Variants in XKR6 observed in about 807,000 individuals in gnomAD.
XKR6 encodes the protein XK-related protein 6.
Under a neutral mutation model 56.7 loss-of-function variants are expected in XKR6, and 22 were observed. The ratio of observed to expected loss-of-function variants is 0.39; its 90% CI spans 0.28 to 0.55. The LOEUF is 0.55. XKR6 is among the 20% of genes least tolerant of loss of function. The pLI is 0.66. For missense variants in XKR6, 852 were observed against 889.0 expected (o/e 0.96, Z 0.53); for synonymous variants, 524 against 387.8 (o/e 1.35, Z -4.13).
chr8:11,158,867 C>A (rs1563182606), intron 1 of XKR6, among the ~76,000 whole-genome samples: 1 of 152,112 alleles, frequency 6.6e-6, no homozygotes, highest in Non-Finnish European at 1.5e-5. Context: ...ATTACCAGAA[C>A]ACTAATCCCA....
intron 1 of XKR6, among the ~76,000 whole-genome samples, chr8:11,196,836 C>T (rs1381700832): frequency 6.6e-6 from 1 of 152,198 alleles, no homozygotes; most frequent in Non-Finnish European, 1.5e-5. Flanking sequence ...CTAAGAACCA[C>T]TCTTGTAAAA....
chr8:10,989,186 G>A (rs1231729910), intron 1 of XKR6, among the ~76,000 whole-genome samples: 1 of 152,222 alleles, frequency 6.6e-6, no homozygotes, highest in Admixed American at 6.5e-5. Flanking sequence ...ATTCAGGTAA[G>A]TCTAGTCAGA....
chr8:11,146,429 C>T (rs1275791452), intron 1 of XKR6, among the ~76,000 whole-genome samples: 9 of 152,128 alleles, frequency 5.9e-5, no homozygotes, highest in Non-Finnish European at 1.5e-5. Context: ...AGTTCAATAC[C>T]AGCTTGGGCA....
At chr8:10,974,969 A>T (rs145190434) in intron 1 of XKR6, among the ~76,000 whole-genome samples, 2,071 of 152,292 alleles carry the variant, frequency 0.014, 30 homozygotes, top group South Asian at 0.035. Flanking sequence ...GATAAATCTC[A>T]TGTGATGTAT....
chr8:10,905,199 G>T (rs1399722743), intron 2 of XKR6, among the ~76,000 whole-genome samples: 2 of 152,086 alleles, frequency 1.3e-5, no homozygotes, highest in African/African-American at 4.8e-5. Context: ...CTTCCCGAAG[G>T]CAGGCCACTT....
chr8:11,164,483 G>A (rs1272050604), intron 1 of XKR6, among the ~76,000 whole-genome samples: 1 of 152,100 alleles, frequency 6.6e-6, no homozygotes, highest in Non-Finnish European at 1.5e-5. Context: ...AGATCCGAAA[G>A]GGAAAAAAGC....
intron 1 of XKR6, among the ~76,000 whole-genome samples, chr8:11,017,027 CATACATATGGATAG>C (rs1389018504): frequency 6.6e-6 from 1 of 152,168 alleles, no homozygotes; most frequent in South Asian, 2.1e-4. Flanking sequence ...TAGAGATTTG[CATACATATGGATAG>C]ATACATATGG....
intron 1 of XKR6, among the ~76,000 whole-genome samples, chr8:11,099,572 C>A (rs915688207): frequency 1.3e-5 from 2 of 151,974 alleles, no homozygotes. Flanking sequence ...ACTTTCTTTA[C>A]TTCTAAATCC....
Position 10,898,594 on chromosome 8 carries a change from G to C in XKR6, c.1284C>G (p.Phe428Leu), listed in dbSNP as rs1345873876. 1 of 1,613,992 alleles carries C rather than the reference G, an allele frequency of 6.2e-7. No individual in the cohort carries two copies. The highest frequency in any genetic ancestry group is 8.5e-7 in the Non-Finnish European group (1 of 1,180,028). Reference sequence around the variant, plus strand: ...GCCCTTCCTTGACGTTAAACCAGCAGAAAATGTACACGATCCCTACCACCA... The same window carrying C: ...GCCCTTCCTTGACGTTAAACCAGCACAAAATGTACACGATCCCTACCACCA... The part of the protein sequence containing the change: ...FNMVVGIVYI[F>L]CWFNVKEGRT... The change falls in exon 3 of 3, where the codon TTC becomes TTG. Residue 428 changes from phenylalanine to leucine, a missense_variant. Physicochemically the swap from Phe to Leu is conservative, Grantham distance 22 (BLOSUM62 0). Transcript: ENST00000416569. The surrounding 1 kb of genome is among the most constrained non-coding windows in gnomAD (Gnocchi z 6.6).
At position 11,172,026 on chromosome 8, in the gene XKR6, T is replaced by C. The variant is rs112893943; in HGVS notation, c.764+28550A>G. On this transcript the variant is annotated intron_variant, in intron 1 of 2. Coordinates refer to ENST00000416569, the MANE Select transcript of XKR6 (RefSeq NM_173683.4). Reference sequence around the variant, plus strand: ...CAACATCACGCCATTGCACTCCAGATTGGGTGACAGAGCAAGATCCCCTGT... The same window carrying C: ...CAACATCACGCCATTGCACTCCAGACTGGGTGACAGAGCAAGATCCCCTGT... Among the ~76,000 whole-genome samples, 1,491 of 150,514 alleles carry C rather than the reference T, an allele frequency of 9.9e-3. 25 individuals are homozygous for C. Among genetic ancestry groups the C allele is most frequent in the African/African-American group, 0.034 (1,395 of 40,902 alleles).
chr8:11,079,043 C>G (rs1000537504), intron 1 of XKR6, among the ~76,000 whole-genome samples: 1 of 152,228 alleles, frequency 6.6e-6, no homozygotes, highest in Non-Finnish European at 1.5e-5. Context: ...GCCATAAGAA[C>G]CCCAACCCTT....
At chr8:10,944,024 C>T (rs560440855) in intron 1 of XKR6, among the ~76,000 whole-genome samples, 12 of 152,238 alleles carry the variant, frequency 7.9e-5, no homozygotes, top group African/African-American at 2.2e-4. Context: ...TCCTTACCCC[C>T]GACCCTGCAC....
chr8:10,902,306 C>T (rs1800057538), intron 2 of XKR6, among the ~76,000 whole-genome samples: 1 of 152,200 alleles, frequency 6.6e-6, no homozygotes, highest in African/African-American at 2.4e-5. Flanking sequence ...CTGTTCCTGA[C>T]TTGGTCAACT....
rs1231358885 is a variant in XKR6 at position 10,897,216 on chromosome 8, A to G, written c.*736T>C. The stretch of plus-strand genomic sequence containing the variant: ...CCTTGAGCTCCTAGAAGGCTCTGCA[A>G]AGTGGGGAGAAGGTCAGGAGAGGAG... On this transcript the variant is annotated 3_prime_UTR_variant, in exon 3 of 3. Transcript: ENST00000416569. 2 of 152,646 alleles carry G rather than the reference A, an allele frequency of 1.3e-5. No individual in the cohort carries two copies. The highest frequency in any genetic ancestry group is 2.9e-5 in the Non-Finnish European group (2 of 68,036). The allele number at this position is 152,646 out of a possible 1,614,324, so 9.5% of individuals were successfully genotyped here. A position where few individuals can be genotyped will look rare whatever the true frequency, so the allele number is the denominator to read the frequency against.
intron 1 of XKR6, among the ~76,000 whole-genome samples, chr8:11,053,517 C>A (rs768372281): frequency 6.6e-6 from 1 of 152,182 alleles, no homozygotes; most frequent in African/African-American, 2.4e-5. Flanking sequence ...GGAGGATGGG[C>A]GGCATCCCTG....
intron 1 of XKR6, among the ~76,000 whole-genome samples, chr8:11,098,925 T>C (rs2129175292): frequency 6.6e-6 from 1 of 152,274 alleles, no homozygotes; most frequent in Non-Finnish European, 1.5e-5. Context: ...AAATGATTAT[T>C]AGGTTCTGAA....
At chr8:11,196,439 A>AAC (rs199708189) in intron 1 of XKR6, among the ~76,000 whole-genome samples, 4,535 of 152,280 alleles carry the variant, frequency 0.03, 196 homozygotes, top group African/African-American at 0.1. Flanking sequence ...AAAACAAAAA[A>AAC]AACAACAACA....
At chr8:11,027,941 G>A (rs1798906905) in intron 1 of XKR6, among the ~76,000 whole-genome samples, 1 of 152,018 alleles carries the variant, frequency 6.6e-6, no homozygotes. Context: ...TGTTGCAATC[G>A]ATGAATCTAC....
At chr8:11,037,348 C>T (rs1191324832) in intron 1 of XKR6, among the ~76,000 whole-genome samples, 1 of 152,196 alleles carries the variant, frequency 6.6e-6, no homozygotes, top group Non-Finnish European at 1.5e-5. Context: ...GCCTAGGCCT[C>T]CTGAGTAGCT....
Sources: gnomAD v4.1 joint callset for allele counts (sites outside exome capture counted in the v4.1 genomes callset) on GRCh38, gnomAD v4.1.1 for gene constraint, Gnocchi (gnomAD v3.1) non-coding constraint, MANE v1.5 for transcripts, NCBI Gene and HGNC (gene_info 2026-07-23, HGNC 2026-07-21) for gene names.